Variants in ZNF215 observed in about 807,000 individuals in gnomAD.
ZNF215 encodes zinc finger protein 215, also known as BWSCR2-associated zinc finger protein 2.
A neutral mutation model predicts 27.2 loss-of-function variants in ZNF215; 24 were observed. That is an observed-to-expected ratio of 0.88 (90% CI 0.64 to 1.24). The LOEUF (loss-of-function observed/expected upper bound fraction) is 1.24, where lower values mean the gene tolerates loss of function less well. Among genes scored for constraint, ZNF215 ranks in the 50% most tolerant of loss-of-function variants. The pLI is 0.00. For missense variants in ZNF215, 675 were observed against 605.7 expected, an observed-to-expected ratio of 1.11 and a Z score of -1.20; for synonymous variants, 210 against 204.0, an observed-to-expected ratio of 1.03 and a Z score of -0.25.
intron 4 of ZNF215, 89 bp from the exon 5 acceptor site, chr11:6,942,994 G>A (rs538885306): frequency 6.6e-7 from 1 of 1,516,394 alleles, no homozygotes; most frequent in African/African-American, 1.4e-5. Flanking sequence ...GTGTATTCTG[G>A]CTCCTACCCT....
At chr11:6,960,932 C>T (rs896827366), downstream of ZNF215, among the ~76,000 whole-genome samples, 5 of 152,064 alleles carry the variant, frequency 3.3e-5, no homozygotes, top group Non-Finnish European at 5.9e-5. Flanking sequence ...TATGGTATGT[C>T]AGAGAAGTTT....
intron 3 of ZNF215, among the ~76,000 whole-genome samples, chr11:6,939,037 A>C (rs2133197217): frequency 6.6e-6 from 1 of 152,336 alleles, no homozygotes; most frequent in East Asian, 1.9e-4. Context: ...AGAATATACA[A>C]AAAGCAAGGA....
intron 6 of ZNF215, among the ~76,000 whole-genome samples, chr11:6,953,839 C>T (rs1363164521): frequency 6.6e-6 from 1 of 152,020 alleles, no homozygotes; most frequent in Non-Finnish European, 1.5e-5. Context: ...AGTTTTTCTG[C>T]TCTGTTTTTT....
At chr11:6,926,889 C>T (rs1423447209) in intron 1 of ZNF215, 1 of 146,102 alleles carries the variant, frequency 6.8e-6, no homozygotes, top group Non-Finnish European at 1.5e-5. Flanking sequence ...TGGAGGAGGG[C>T]GCGAGCTGAC....
At chr11:6,985,115 A>C (rs1193093481), downstream of ZNF215, among the ~76,000 whole-genome samples, 1 of 152,162 alleles carries the variant, frequency 6.6e-6, no homozygotes, top group South Asian at 2.1e-4. Flanking sequence ...CTTCAGACCA[A>C]TGTCCCTGAT....
intron 5 of ZNF215, among the ~76,000 whole-genome samples, chr11:6,965,033 C>T (rs1850591594): frequency 6.6e-6 from 1 of 152,064 alleles, no homozygotes; most frequent in South Asian, 2.1e-4. Flanking sequence ...AGAACTCCTA[C>T]ATCATCTTTT....
chr11:6,957,253 C>T lies in ZNF215; in HGVS notation c.*722C>T. ...GATGTTGATGAGAAAAATATCGATT[C>T]CCAGCCAGGGACACTGTGTGGAGTT... is the stretch of plus-strand genomic sequence containing the variant. On this transcript the variant is annotated 3_prime_UTR_variant, in exon 7 of 7. Coordinates refer to ENST00000278319, the MANE Select transcript of ZNF215 (RefSeq NM_013250.4). The T allele has an allele frequency of 4.2e-5, 39 of 932,722 alleles. No individual in the cohort carries two copies. Among genetic ancestry groups the T allele is most frequent in the Non-Finnish European group, 5.0e-5 (39 of 782,042 alleles). The allele number at this position is 932,722 out of a possible 1,614,324, so 57.8% of individuals were successfully genotyped here. A position where few individuals can be genotyped will look rare whatever the true frequency, so the allele number is the denominator to read the frequency against.
intron 5 of ZNF215, among the ~76,000 whole-genome samples, chr11:6,983,558 T>C (rs1217113000): frequency 6.6e-6 from 1 of 152,060 alleles, no homozygotes; most frequent in Non-Finnish European, 1.5e-5. Flanking sequence ...AGTTTACTTT[T>C]TATAAGAATA....
chr11:6,965,888 C>G (rs1850609143), intron 5 of ZNF215, among the ~76,000 whole-genome samples: 4 of 151,848 alleles, frequency 2.6e-5, no homozygotes, highest in Non-Finnish European at 5.9e-5. Flanking sequence ...TTCTTGTATG[C>G]CTTGGTCTAG....
At chr11:6,974,553 T>A (rs1021261231) in intron 5 of ZNF215, among the ~76,000 whole-genome samples, 2 of 152,190 alleles carry the variant, frequency 1.3e-5, no homozygotes, top group Non-Finnish European at 2.9e-5. Flanking sequence ...CATTTGTTTG[T>A]ATCCTCTTTT....
Position 6,930,417 on chromosome 11 carries a change from C to G in ZNF215, c.-179-1677C>G, listed in dbSNP as rs567311146. Among the ~76,000 whole-genome samples the G allele has an allele frequency of 3.3e-5, 5 of 152,332 alleles. No homozygotes were observed. In the East Asian group the frequency reaches 9.6e-4, roughly 29 times the overall value. ...GCCAAATACAAGTTCACACTTAGGT[C>G]TCCAACTCTAATCCATTATCACATG... On this transcript the variant is annotated intron_variant, in intron 2 of 6. Transcript: ENST00000278319.
At chr11:6,991,421 C>T (rs1301835092), downstream of ZNF215, among the ~76,000 whole-genome samples, 2 of 152,196 alleles carry the variant, frequency 1.3e-5, no homozygotes, top group Admixed American at 6.5e-5. Context: ...CAGCACACAC[C>T]GTCGGGGCTG....
intron 6 of ZNF215, among the ~76,000 whole-genome samples, chr11:6,950,778 G>T (rs1007120127): frequency 3.4e-5 from 5 of 148,488 alleles, no homozygotes; most frequent in African/African-American, 7.5e-5. Context: ...TGTTGAATAG[G>T]AGTGGTGAGA....
intron 6 of ZNF215, among the ~76,000 whole-genome samples, chr11:6,946,345 C>T (rs988578765): frequency 6.6e-6 from 1 of 152,164 alleles, no homozygotes; most frequent in African/African-American, 2.4e-5. Flanking sequence ...TCTCTGCCTA[C>T]TTCTCCAATC....
chr11:6,986,961 C>G (rs1242659889), downstream of ZNF215, among the ~76,000 whole-genome samples: 2 of 152,048 alleles, frequency 1.3e-5, no homozygotes, highest in Non-Finnish European at 2.9e-5. Flanking sequence ...TTCAGCCAAC[C>G]GTGGAGAGCA....
At chr11:6,964,596 T>C (rs560504249) in intron 5 of ZNF215, among the ~76,000 whole-genome samples, 1 of 152,108 alleles carries the variant, frequency 6.6e-6, no homozygotes, top group Admixed American at 6.5e-5. Flanking sequence ...CTTTCACTGA[T>C]CTTTGTGCCT....
downstream of ZNF215, among the ~76,000 whole-genome samples, chr11:6,961,637 C>T (rs1367334667): frequency 1.1e-4 from 17 of 152,210 alleles, no homozygotes; most frequent in Middle Eastern, 3.4e-3. Flanking sequence ...ACCTTACAGC[C>T]GCTGGGTTTC....
intron 6 of ZNF215, among the ~76,000 whole-genome samples, chr11:6,946,180 A>G (rs912916517): frequency 1.3e-5 from 2 of 152,058 alleles, no homozygotes; most frequent in Non-Finnish European, 2.9e-5. Flanking sequence ...ATCATCTCTC[A>G]CCTGAACCAC....
intron 5 of ZNF215, among the ~76,000 whole-genome samples, chr11:6,981,069 T>A (rs1347298741): frequency 1.3e-5 from 2 of 151,788 alleles, no homozygotes; most frequent in Non-Finnish European, 2.9e-5. Context: ...ACAATAAACA[T>A]ACATGTGCAT....
Sources: gnomAD v4.1 joint callset for allele counts (sites outside exome capture counted in the v4.1 genomes callset) on GRCh38, gnomAD v4.1.1 for gene constraint, MANE v1.5 for transcripts, NCBI Gene and HGNC (gene_info 2026-07-23, HGNC 2026-07-21) for gene names.